Variants in NCAPG2 observed in about 807,000 individuals in gnomAD.
The protein encoded by NCAPG2 is condensin-2 complex subunit G2.
NCAPG2 carries 53 observed loss-of-function variants against 141.1 expected under a neutral mutation model. The observed-to-expected ratio is 0.38, with a 90% confidence interval of 0.30 to 0.47. The LOEUF (loss-of-function observed/expected upper bound fraction) is 0.47, where lower values mean the gene tolerates loss of function less well. NCAPG2 is among the 20% of genes least tolerant of loss of function. NCAPG2 has a pLI of 0.99. For missense variants in NCAPG2, 1,087 were observed against 1,389.0 expected, an observed-to-expected ratio of 0.78 and a Z score of 3.46; for synonymous variants, 499 against 490.7, an observed-to-expected ratio of 1.02 and a Z score of -0.22.
intron 11 of NCAPG2, among the ~76,000 whole-genome samples, chr7:158,678,608 G>A (rs538303942): frequency 6.6e-6 from 1 of 150,688 alleles, no homozygotes; most frequent in South Asian, 2.1e-4. Flanking sequence ...GGGTTCAAGC[G>A]ATCCTCCCAT....
At chr7:158,702,552 T>C (rs1214935258) in intron 1 of NCAPG2, among the ~76,000 whole-genome samples, 2 of 152,166 alleles carry the variant, frequency 1.3e-5, no homozygotes, top group Non-Finnish European at 2.9e-5. Context: ...TCCAGGAAAT[T>C]CTATTTCGCA....
rs1832436423 is a variant in NCAPG2 at position 158,660,797 on chromosome 7, T to C, written c.1989+1397A>G. Among the ~76,000 whole-genome samples the C allele has an allele frequency of 2.0e-5, 3 of 152,178 alleles. No individual in the cohort carries two copies. In the South Asian group the frequency reaches 6.2e-4, roughly 31 times the overall value. On this transcript the variant is annotated intron_variant, in intron 16 of 27. Coordinates refer to ENST00000356309, the MANE Select transcript of NCAPG2 (RefSeq NM_017760.7). ...TCCTCCTGAATTGTAGCTCCCATAA[T>C]TCCCACGTGTTACGGGAGGGACACG...
intron 11 of NCAPG2, 131 bp from the exon 12 acceptor site, chr7:158,675,787 T>A: frequency 1.1e-6 from 1 of 911,772 alleles, no homozygotes; most frequent in Non-Finnish European, 1.6e-6. Context: ...TGGACACATA[T>A]GGATTCCTAG....
chr7:158,659,329 CAAAA>C (rs34735258), intron 16 of NCAPG2, among the ~76,000 whole-genome samples: 1 of 85,720 alleles, frequency 1.2e-5, no homozygotes, highest in African/African-American at 4.2e-5. Context: ...GACTCCATCT[CAAAA>C]AAAAAAAAAA....
chr7:158,691,369 A>G (rs1041420421), intron 4 of NCAPG2, among the ~76,000 whole-genome samples: 2 of 152,248 alleles, frequency 1.3e-5, no homozygotes, highest in African/African-American at 4.8e-5. Flanking sequence ...TTTGCAGACC[A>G]TACAAATAAA....
rs896075183 is a variant in NCAPG2, at chr7:158,669,223, A to G, written c.1479+2291T>C. Among the ~76,000 whole-genome samples, 7 of 152,220 alleles carry G rather than the reference A, an allele frequency of 4.6e-5. No homozygotes were observed. In the East Asian group the frequency reaches 5.8e-4, roughly 13 times the overall value. On this transcript the variant is annotated intron_variant, in intron 13 of 27. Transcript: ENST00000356309. ...CTTTGCTATTGTGAATAGTGCTTCA[A>G]TGAACATACGCAAACATATATCTTT...
chr7:158,657,486 TACTA>T (rs1832074886), intron 17 of NCAPG2, among the ~76,000 whole-genome samples: 1 of 152,176 alleles, frequency 6.6e-6, no homozygotes, highest in African/African-American at 2.4e-5. Flanking sequence ...TTTCATCACG[TACTA>T]ACTTAGGGCC....
rs1402337874 is a variant in NCAPG2, at chr7:158,637,017, G to A, written c.3381-5300C>T. Among the ~76,000 whole-genome samples the A allele has an allele frequency of 6.6e-5, 10 of 151,448 alleles. No homozygotes were observed. In the South Asian group the frequency reaches 1.0e-3, roughly 16 times the overall value. ...GGCTGGAATGCAGTGGTGTGATCTT[G>A]GCTCACTGCAAGTTCCGCCTCCCGG... On this transcript the variant is annotated intron_variant, in intron 27 of 27. Coordinates refer to ENST00000356309, the MANE Select transcript of NCAPG2 (RefSeq NM_017760.7).
chr7:158,650,902 G>A lies in NCAPG2; in HGVS notation c.3005C>T (p.Pro1002Leu). The change falls in exon 24 of 28, where the codon CCT (proline) becomes CTT (leucine). Residue 1002 changes from proline to leucine, a missense_variant. Coordinates refer to ENST00000356309, the MANE Select transcript of NCAPG2 (RefSeq NM_017760.7). ...AGTAGAAAGTACACCCCGGTGCACA[G>A]GGGTGTCTGTGTGCCGAGACTGAAC... The part of the protein sequence containing the change: ...TAVQSRHTDT[P>L]VHRGVLSTLI... 1.9e-6 allele frequency: 3 copies of A among 1,613,950 alleles called. No individual in the cohort carries two copies. The highest frequency in any genetic ancestry group is 1.7e-6 in the Non-Finnish European group (2 of 1,179,928).
chr7:158,664,311 A>C lies in NCAPG2; in HGVS notation c.1703-15T>G. 6.3e-7 allele frequency: 1 copy of C among 1,586,992 alleles called. No individual in the cohort carries two copies. The highest frequency in any genetic ancestry group is 2.2e-5 in the East Asian group (1 of 44,758). On this transcript the variant is annotated splice_polypyrimidine_tract_variant and intron_variant, in intron 14 of 27. Transcript: ENST00000356309. The stretch of plus-strand genomic sequence containing the variant: ...AATCAGCTTTGCTGAAATGTTTAGG[A>C]TAAACAAGAATTAATGGATGTGTTT...
intron 19 of NCAPG2, 90 bp downstream of exon 19, chr7:158,656,170 G>A (rs1831956834): frequency 5.5e-6 from 8 of 1,452,132 alleles, no homozygotes; most frequent in Non-Finnish European, 6.6e-6. Flanking sequence ...CAGAACACTT[G>A]TATAGCACTG....
At chr7:158,687,281 A>T (rs1404616155) in intron 7 of NCAPG2, 67 bp downstream of exon 7, 3 of 1,110,114 alleles carry the variant, frequency 2.7e-6, no homozygotes, top group Admixed American at 2.3e-5. Flanking sequence ...TTAAGAAGTC[A>T]GACCAAATGG....
chr7:158,678,962 T>C (rs1373514548), intron 11 of NCAPG2, among the ~76,000 whole-genome samples: 2 of 152,198 alleles, frequency 1.3e-5, no homozygotes, highest in African/African-American at 2.4e-5. Context: ...GCCTCCCAAG[T>C]AGCTGGGACC....
Position 158,664,187 on chromosome 7 carries a change from C to A in NCAPG2, c.1812G>T (p.Val604=). 1 of 1,604,544 alleles carries A rather than the reference C, an allele frequency of 6.2e-7. No individual in the cohort carries two copies. Among genetic ancestry groups the A allele is most frequent in the South Asian group, 1.1e-5 (1 of 90,828 alleles). ...GGCCTGGCCCTGTTCTACTCACAGT[C>A]ACATTCTCCTTCTCCCTTCCGTCCT... ...EEEDGREKEN[V]TVLDKTLSVN... The change falls in exon 15 of 28, where the codon GTG becomes GTT. Residue 604 remains valine, a synonymous_variant. Coordinates refer to ENST00000356309, the MANE Select transcript of NCAPG2 (RefSeq NM_017760.7).
intron 11 of NCAPG2, among the ~76,000 whole-genome samples, chr7:158,677,522 A>C (rs1834137511): frequency 1.1e-5 from 1 of 95,124 alleles, no homozygotes; most frequent in African/African-American, 3.8e-5. Flanking sequence ...GATAAAAATA[A>C]AGCAAAAAAA....
chr7:158,659,452 CAG>C (rs1246324155), intron 16 of NCAPG2, among the ~76,000 whole-genome samples: 1 of 70,730 alleles, frequency 1.4e-5, no homozygotes, highest in African/African-American at 3.1e-5. Flanking sequence ...GTTAAGCTCT[CAG>C]AGTCAGTTTC....
intron 3 of NCAPG2, 113 bp downstream of exon 3, chr7:158,693,196 T>A: frequency 1.7e-6 from 2 of 1,199,798 alleles, no homozygotes; most frequent in Non-Finnish European, 2.3e-6. Flanking sequence ...CTAAAATTCT[T>A]GACTTCTAAC....
chr7:158,669,856 G>A lies in NCAPG2; in HGVS notation c.1479+1658C>T, dbSNP rs190520135. Among the ~76,000 whole-genome samples the A allele has an allele frequency of 1.2e-3, 185 of 150,216 alleles. 3 individuals carry two copies. The Middle Eastern group carries it at 0.014, about 11-fold the overall frequency. ...AGGTCTCACTATGTTGCCCAGGCTG[G>A]TCTCACACTTCTGAGCTTAAGTGAT... On this transcript the variant is annotated intron_variant, in intron 13 of 27. Transcript: ENST00000356309.
intron 27 of NCAPG2, among the ~76,000 whole-genome samples, chr7:158,638,081 T>A (rs1830411165): frequency 1.3e-5 from 2 of 151,742 alleles, no homozygotes; most frequent in Admixed American, 1.3e-4. Flanking sequence ...GAGGCAAAGG[T>A]TGCAGTGAGC....
Sources: gnomAD v4.1 joint callset for allele counts (sites outside exome capture counted in the v4.1 genomes callset) on GRCh38, gnomAD v4.1.1 for gene constraint, MANE v1.5 for transcripts, NCBI Gene and HGNC (gene_info 2026-07-23, HGNC 2026-07-21) for gene names.